ROBO2: variants seen among roughly 807,000 people sequenced by gnomAD.
ROBO2 encodes roundabout guidance receptor 2.
Under a neutral mutation model 160.8 loss-of-function variants are expected in ROBO2, and 53 were observed. The ratio of observed to expected loss-of-function variants is 0.33; its 90% CI spans 0.26 to 0.41. ROBO2 has a LOEUF of 0.41. ROBO2 is among the 10% of genes least tolerant of loss of function. The pLI, the probability that ROBO2 is intolerant of heterozygous loss-of-function variation, is 1.00. For missense variants in ROBO2, 1,577 were observed against 1,722.4 expected (o/e 0.92, Z 1.49); for synonymous variants, 664 against 611.7 (o/e 1.09, Z -1.26).
At chr3:77,559,585 T>A (rs1343749634) in intron 9 of ROBO2, among the ~76,000 whole-genome samples, 1 of 152,066 alleles carries the variant, frequency 6.6e-6, no homozygotes, top group African/African-American at 2.4e-5. Context: ...GCATTTAGAA[T>A]CTTCCCATTC....
intron 2 of ROBO2, among the ~76,000 whole-genome samples, chr3:76,709,759 C>T (rs950351633): frequency 1.3e-5 from 2 of 152,132 alleles, no homozygotes; most frequent in Non-Finnish European, 2.9e-5. Flanking sequence ...AATTAGTTTT[C>T]AGATTATTTC....
chr3:76,752,595 A>G (rs2060739191), intron 2 of ROBO2, among the ~76,000 whole-genome samples: 7 of 151,876 alleles, frequency 4.6e-5, no homozygotes, highest in Admixed American at 4.6e-4. Flanking sequence ...ATTCATCCTT[A>G]AAGAATTAGA....
intron 2 of ROBO2, among the ~76,000 whole-genome samples, chr3:76,931,728 C>A (rs949568836): frequency 7.2e-5 from 11 of 152,056 alleles, no homozygotes; most frequent in African/African-American, 2.7e-4. Context: ...GTCACTCAAG[C>A]TGGAGTGCAG....
intron 2 of ROBO2, among the ~76,000 whole-genome samples, chr3:76,244,440 T>C (rs1705491864): frequency 6.6e-6 from 1 of 152,176 alleles, no homozygotes; most frequent in South Asian, 2.1e-4. Context: ...TTACTTGTCT[T>C]GGATTATATG....
chr3:77,233,844 T>C (rs895176003), intron 2 of ROBO2, among the ~76,000 whole-genome samples: 2 of 152,236 alleles, frequency 1.3e-5, no homozygotes, highest in Non-Finnish European at 2.9e-5. Flanking sequence ...TATTTGCTTC[T>C]AATGTCTACA....
At chr3:77,481,285 T>G (rs568378214) in intron 4 of ROBO2, 66 bp downstream of exon 4, 29 of 1,353,608 alleles carry the variant, frequency 2.1e-5, no homozygotes, top group Middle Eastern at 2.8e-4. Context: ...TAAGTATTAC[T>G]AACATTAAAA....
intron 2 of ROBO2, among the ~76,000 whole-genome samples, chr3:76,253,807 T>C (rs1299053959): frequency 6.6e-6 from 1 of 151,728 alleles, no homozygotes; most frequent in Non-Finnish European, 1.5e-5. Flanking sequence ...TCTCTCTTGG[T>C]GTGAAAGACT....
At chr3:76,688,446 T>C (rs375687030) in intron 2 of ROBO2, among the ~76,000 whole-genome samples, 9 of 151,964 alleles carry the variant, frequency 5.9e-5, no homozygotes, top group African/African-American at 2.2e-4. Flanking sequence ...AGTGATACTT[T>C]GTGTTTCAGA....
intron 2 of ROBO2, among the ~76,000 whole-genome samples, chr3:76,918,483 T>G (rs2076464700): frequency 6.6e-6 from 1 of 152,220 alleles, no homozygotes; most frequent in Non-Finnish European, 1.5e-5. Context: ...ACTAATACAA[T>G]ATTTTATTAT....
intron 2 of ROBO2, among the ~76,000 whole-genome samples, chr3:77,309,598 T>C (rs544048932): frequency 2.0e-4 from 30 of 152,370 alleles, no homozygotes; most frequent in Non-Finnish European, 3.7e-4. Context: ...GTTTATCTGG[T>C]AACACTACTA....
At chr3:76,694,633 G>C (rs1035300883) in intron 2 of ROBO2, among the ~76,000 whole-genome samples, 2 of 151,884 alleles carry the variant, frequency 1.3e-5, no homozygotes, top group East Asian at 3.9e-4. Flanking sequence ...TGTAAAAAAA[G>C]GGTATCTTTT....
intron 6 of ROBO2, among the ~76,000 whole-genome samples, chr3:77,545,238 C>T (rs1351172858): frequency 3.3e-5 from 5 of 152,134 alleles, no homozygotes; most frequent in Non-Finnish European, 7.4e-5. Flanking sequence ...CTGAAACCCT[C>T]CTTTGTAGCC....
chr3:76,230,703 C>CCTTCCCCTTT (rs11282176), intron 2 of ROBO2, among the ~76,000 whole-genome samples: 1 of 151,782 alleles, frequency 6.6e-6, no homozygotes, highest in Non-Finnish European at 1.5e-5. Flanking sequence ...CCAACCCTCT[C>CCTTCCCCTTT]CTTCTCACAC....
chr3:76,759,020 T>C (rs2108343712), intron 2 of ROBO2, among the ~76,000 whole-genome samples: 1 of 152,026 alleles, frequency 6.6e-6, no homozygotes, highest in South Asian at 2.1e-4. Flanking sequence ...TGGTATCTTT[T>C]GAGCTATCCT....
At chr3:77,612,258 G>T (rs1439015282) in intron 21 of ROBO2, among the ~76,000 whole-genome samples, 2 of 152,286 alleles carry the variant, frequency 1.3e-5, no homozygotes, top group Admixed American at 1.3e-4. Context: ...ACTCAAATAA[G>T]ATGTATATCT....
intron 2 of ROBO2, among the ~76,000 whole-genome samples, chr3:76,247,824 G>A (rs991665116): frequency 6.6e-5 from 10 of 151,730 alleles, no homozygotes; most frequent in African/African-American, 2.4e-4. Context: ...TCAAAAAGTG[G>A]GCGAAGGACA....
intron 14 of ROBO2, among the ~76,000 whole-genome samples, chr3:77,576,741 C>T (rs890027848): frequency 1.3e-5 from 2 of 152,040 alleles, no homozygotes; most frequent in South Asian, 4.1e-4. Flanking sequence ...CCAACATGAA[C>T]TGTTTTCATT....
intron 2 of ROBO2, among the ~76,000 whole-genome samples, chr3:76,399,496 C>G (rs1157388130): frequency 4.0e-5 from 6 of 151,676 alleles, no homozygotes; most frequent in Admixed American, 4.0e-4. Flanking sequence ...GCTTTAGTAC[C>G]CCTAAGAGCT....
chr3:77,600,683 C>T (rs1320729985), intron 19 of ROBO2, among the ~76,000 whole-genome samples: 4 of 152,086 alleles, frequency 2.6e-5, no homozygotes, highest in African/African-American at 9.7e-5. Flanking sequence ...AAACAAAAGT[C>T]TGAAAAATCA....
Sources: gnomAD v4.1 joint callset for allele counts (sites outside exome capture counted in the v4.1 genomes callset) on GRCh38, gnomAD v4.1.1 for gene constraint, MANE v1.5 for transcripts, NCBI Gene and HGNC (gene_info 2026-07-23, HGNC 2026-07-21) for gene names.